The following MDGA2 variants were observed in gnomAD, a reference collection of about 807,000 sequenced individuals.
MDGA2 encodes the protein MAM domain containing glycosylphosphatidylinositol anchor 2.
In MDGA2, 40 loss-of-function variants were observed where a neutral mutation model predicts 117.8. The observed-to-expected ratio is 0.34, with a 90% CI of 0.26 to 0.44. The LOEUF is 0.44. Ranked by LOEUF, MDGA2 falls within the 20% of genes least tolerant of loss-of-function variation. The pLI is 1.00. For synonymous variants in MDGA2, 452 were observed against 439.0 expected (o/e 1.03, Z -0.37); for missense variants, 1,123 against 1,250.6 (o/e 0.90, Z 1.54).
At chr14:47,187,873 C>T (rs890991440) in intron 3 of MDGA2, among the ~76,000 whole-genome samples, 2 of 151,600 alleles carry the variant, frequency 1.3e-5, no homozygotes, top group African/African-American at 2.4e-5. Flanking sequence ...AAGGGTACAT[C>T]GGGGATTTTA....
At chr14:47,557,607 T>C (rs1350253514) in intron 1 of MDGA2, among the ~76,000 whole-genome samples, 1 of 152,088 alleles carries the variant, frequency 6.6e-6, no homozygotes, top group East Asian at 1.9e-4. Flanking sequence ...ATTCAACAGT[T>C]CAAAATGGAG....
At chr14:46,871,028 T>C (rs915182765) in intron 14 of MDGA2, 4 of 151,856 alleles carry the variant, frequency 2.6e-5, no homozygotes, top group Non-Finnish European at 5.9e-5. Context: ...ATGACACATA[T>C]TCAAAACAAA....
At chr14:47,614,583 T>G (rs1896915666) in intron 1 of MDGA2, among the ~76,000 whole-genome samples, 1 of 152,222 alleles carries the variant, frequency 6.6e-6, no homozygotes, top group African/African-American at 2.4e-5. Context: ...ATTAGAAGTG[T>G]TCACCAATGA....
At chr14:47,066,121 T>C (rs1176743708) in intron 6 of MDGA2, among the ~76,000 whole-genome samples, 1 of 152,178 alleles carries the variant, frequency 6.6e-6, no homozygotes. Context: ...TAGTAAACGA[T>C]AGTATGTATA....
intron 1 of MDGA2, among the ~76,000 whole-genome samples, chr14:47,502,683 G>T (rs545438260): frequency 1.5e-4 from 22 of 151,490 alleles, no homozygotes; most frequent in African/African-American, 2.4e-4. Flanking sequence ...GTATTTTTTT[G>T]GGGGGGACAG....
At chr14:47,554,256 T>C (rs959294991) in intron 1 of MDGA2, among the ~76,000 whole-genome samples, 10 of 152,210 alleles carry the variant, frequency 6.6e-5, no homozygotes, top group African/African-American at 2.4e-4. Flanking sequence ...CTGTTTTATT[T>C]TCCAGAAAAG....
chr14:47,473,177 C>T lies in MDGA2; in HGVS notation c.281-171627G>A, dbSNP rs550671136. Among the ~76,000 whole-genome samples, 362 of 152,218 alleles carry T rather than the reference C, an allele frequency of 2.4e-3. 3 individuals carry two copies. Among genetic ancestry groups the T allele is most frequent in the African/African-American group, 8.4e-3 (349 of 41,554 alleles). On this transcript the variant is annotated intron_variant, in intron 1 of 16. Transcript: ENST00000399232. ...CAATAGGAAGAGTCACCAATCAGAG[C>T]AAGTGTGAGGTCACAGGGGCACAGA...
At chr14:46,917,793 T>C (rs567097769) in intron 10 of MDGA2, among the ~76,000 whole-genome samples, 55 of 152,128 alleles carry the variant, frequency 3.6e-4, no homozygotes, top group African/African-American at 1.2e-3. Context: ...GAAAGGAAAA[T>C]AAAAGAAGAC....
At chr14:47,285,127 G>A (rs1408656879) in intron 2 of MDGA2, among the ~76,000 whole-genome samples, 5 of 151,994 alleles carry the variant, frequency 3.3e-5, no homozygotes, top group Non-Finnish European at 5.9e-5. Context: ...TATGACTTAC[G>A]GATCACCCAT....
At chr14:47,556,455 G>A (rs1406817146) in intron 1 of MDGA2, among the ~76,000 whole-genome samples, 2 of 152,120 alleles carry the variant, frequency 1.3e-5, no homozygotes, top group African/African-American at 4.8e-5. Context: ...AGAATTCTAT[G>A]TATTTTCCAA....
intron 10 of MDGA2, among the ~76,000 whole-genome samples, chr14:46,919,643 G>T (rs1884047474): frequency 6.6e-6 from 1 of 152,108 alleles, no homozygotes; most frequent in Non-Finnish European, 1.5e-5. Context: ...TAGGAATCAA[G>T]ACAAATGATT....
intron 10 of MDGA2, among the ~76,000 whole-genome samples, chr14:46,908,167 C>G (rs371865001): frequency 1.2e-3 from 189 of 152,186 alleles, no homozygotes; most frequent in African/African-American, 4.3e-3. Flanking sequence ...TGGTATAAAC[C>G]TCTTTCAAAA....
intron 1 of MDGA2, among the ~76,000 whole-genome samples, chr14:47,377,433 G>T (rs1891504322): frequency 6.6e-6 from 1 of 152,128 alleles, no homozygotes; most frequent in Non-Finnish European, 1.5e-5. Context: ...TCCGGGAAGT[G>T]TAAGGGGTTG....
At chr14:47,267,965 T>G (rs1409902591) in intron 2 of MDGA2, among the ~76,000 whole-genome samples, 1 of 152,208 alleles carries the variant, frequency 6.6e-6, no homozygotes, top group Non-Finnish European at 1.5e-5. Flanking sequence ...CTTTCTGCCC[T>G]TCCCTTGAGT....
intron 2 of MDGA2, among the ~76,000 whole-genome samples, chr14:47,254,049 C>T (rs1383142172): frequency 6.6e-6 from 1 of 152,198 alleles, no homozygotes; most frequent in African/African-American, 2.4e-5. Context: ...ATGCAGGGCA[C>T]CATGTCCTGA....
chr14:47,502,750 C>A (rs968181511), intron 1 of MDGA2, among the ~76,000 whole-genome samples: 12 of 152,176 alleles, frequency 7.9e-5, no homozygotes, highest in African/African-American at 2.6e-4. Flanking sequence ...TCATAGATCA[C>A]TGCAGCTTCC....
At chr14:47,122,272 T>C (rs1314459657) in intron 5 of MDGA2, among the ~76,000 whole-genome samples, 2 of 152,074 alleles carry the variant, frequency 1.3e-5, no homozygotes, top group Non-Finnish European at 2.9e-5. Context: ...CACACCCAGC[T>C]CTTGTTCAAT....
chr14:47,071,985 T>C (rs2138842697), intron 6 of MDGA2, among the ~76,000 whole-genome samples: 1 of 151,390 alleles, frequency 6.6e-6, no homozygotes, highest in South Asian at 2.1e-4. Flanking sequence ...GTATAGTTGT[T>C]CAGGCTCAAT....
chr14:47,301,302 C>T (rs1889275356), intron 2 of MDGA2, 109 bp downstream of exon 2: 2 of 791,664 alleles, frequency 2.5e-6, no homozygotes, highest in Admixed American at 5.9e-5. Context: ...CACCCACACA[C>T]ACACACACAC....
Sources: gnomAD v4.1 joint callset for allele counts (sites outside exome capture counted in the v4.1 genomes callset) on GRCh38, gnomAD v4.1.1 for gene constraint, MANE v1.5 for transcripts, NCBI Gene and HGNC (gene_info 2026-07-23, HGNC 2026-07-21) for gene names.